Variants in ZNF777 observed in about 807,000 individuals in gnomAD.
ZNF777 encodes zinc finger protein 777.
ZNF777 carries 7 observed loss-of-function variants against 72.1 expected under a neutral mutation model. The observed-to-expected ratio is 0.10, with a 90% confidence interval of 0.06 to 0.18. The LOEUF (loss-of-function observed/expected upper bound fraction) is 0.18, where lower values mean the gene tolerates loss of function less well. ZNF777 is among the 10% of genes least tolerant of loss of function. ZNF777 has a pLI of 1.00. For synonymous variants in ZNF777, 545 were observed against 483.5 expected, an observed-to-expected ratio of 1.13 and a Z score of -1.67; for missense variants, 828 against 1,128.6, an observed-to-expected ratio of 0.73 and a Z score of 3.82.
intron 2 of ZNF777, among the ~76,000 whole-genome samples, chr7:149,454,964 C>T (rs934794165): frequency 6.6e-6 from 1 of 152,218 alleles, no homozygotes; most frequent in African/African-American, 2.4e-5. Context: ...AACACCCTTC[C>T]AAACTGACAA....
intron 3 of ZNF777, among the ~76,000 whole-genome samples, chr7:149,453,702 C>T (rs952429122): frequency 6.6e-6 from 1 of 152,212 alleles, no homozygotes; most frequent in African/African-American, 2.4e-5. Flanking sequence ...GATACTTGTA[C>T]AGCACCTCAA....
intron 4 of ZNF777, among the ~76,000 whole-genome samples, chr7:149,449,202 G>C (rs1799670485): frequency 6.6e-6 from 1 of 152,240 alleles, no homozygotes. Flanking sequence ...CTGAGGGGCA[G>C]CGGTACCTAT....
intron 1 of ZNF777, chr7:149,459,999 G>A (rs1471645610): frequency 1.1e-6 from 1 of 940,882 alleles, no homozygotes; most frequent in East Asian, 1.2e-4. Flanking sequence ...CCCACCCCCC[G>A]CGCCAACGTC....
At chr7:149,453,468 T>C (rs1003750346) in intron 3 of ZNF777, among the ~76,000 whole-genome samples, 6 of 152,072 alleles carry the variant, frequency 3.9e-5, no homozygotes, top group Admixed American at 6.6e-5. Flanking sequence ...CACACACACA[T>C]ATATATATGT....
chr7:149,437,162 G>C (rs962590706), intron 4 of ZNF777, among the ~76,000 whole-genome samples: 6 of 152,072 alleles, frequency 3.9e-5, no homozygotes, highest in Admixed American at 1.3e-4. Context: ...CCAGGCTCGA[G>C]TGCTGTGGTG....
At chr7:149,452,846 A>T (rs1049260490) in intron 3 of ZNF777, among the ~76,000 whole-genome samples, 2 of 152,222 alleles carry the variant, frequency 1.3e-5, no homozygotes, top group Non-Finnish European at 1.5e-5. Flanking sequence ...TTTACTTGGC[A>T]ATCCCACTTC....
chr7:149,437,802 T>TC (rs779386180), intron 4 of ZNF777, among the ~76,000 whole-genome samples: 7 of 81,924 alleles, frequency 8.5e-5, no homozygotes, highest in African/African-American at 4.0e-4. Flanking sequence ...TTTGTTTCTT[T>TC]TTCTTTTTTT....
In ZNF777 at chr7:149,451,553, G is replaced by A. The variant is rs190657244; in HGVS notation, c.974-441C>T. Among the ~76,000 whole-genome samples the A allele has an allele frequency of 8.2e-3, 1,248 of 152,130 alleles. 12 individuals carry two copies. The highest frequency in any genetic ancestry group is 0.024 in the Middle Eastern group (7 of 294). On this transcript the variant is annotated intron_variant, in intron 3 of 5. Transcript: ENST00000247930. ...TAAAAATGCAAAAAATTAGCCAGGCGTGGTGGCGGATGCCTGTAATCCCAG... is the reference window on the plus strand; with the variant it reads ...TAAAAATGCAAAAAATTAGCCAGGCATGGTGGCGGATGCCTGTAATCCCAG...
At chr7:149,434,506 C>T (rs1799379241) in intron 5 of ZNF777, among the ~76,000 whole-genome samples, 1 of 152,190 alleles carries the variant, frequency 6.6e-6, no homozygotes, top group Non-Finnish European at 1.5e-5. Flanking sequence ...CTGAGTATGT[C>T]TGAAAGGCAA....
rs1368014652 is a variant in ZNF777 at position 149,455,046 on chromosome 7, T to C, written c.846+131A>G. 8.8e-7 allele frequency: 1 copy of C among 1,140,872 alleles called. No homozygotes were observed. The highest frequency in any genetic ancestry group is 1.2e-6 in the Non-Finnish European group (1 of 802,902). 70.7% of individuals were successfully genotyped at this position (1,140,872 alleles called of 1,614,324 possible). A position where few individuals can be genotyped will look rare whatever the true frequency, so the allele number is the denominator to read the frequency against. ...CAGGAGAAATAATTTGATTTTGGCA[T>C]GTCCTAGCAACTGGGATCACTGTAT... On this transcript the variant is annotated intron_variant, in intron 2 of 5. Transcript: ENST00000247930. The surrounding 1 kb of genome is among the most constrained non-coding windows in gnomAD (Gnocchi z 4.2).
rs1799404300 is a variant in ZNF777 at position 149,436,020 on chromosome 7, G to T, written c.1339+555C>A. Among the ~76,000 whole-genome samples, 1 of 152,178 alleles carries T rather than the reference G, an allele frequency of 6.6e-6. No individual in the cohort carries two copies. Among genetic ancestry groups the T allele is most frequent in the Non-Finnish European group, 1.5e-5 (1 of 68,030 alleles). ...AAAATCCATCACGAAAGATGTCCTG[G>T]GATCAGGCCACCGTGAGCCCCAGTG... On this transcript the variant is annotated intron_variant, in intron 5 of 5. Coordinates refer to ENST00000247930, the MANE Select transcript of ZNF777 (RefSeq NM_015694.3). This position sits in a 1 kb window ranked among gnomAD's most constrained non-coding sequence, Gnocchi z 5.0.
chr7:149,433,186 C>T (rs1799354160), intron 5 of ZNF777, among the ~76,000 whole-genome samples: 1 of 152,186 alleles, frequency 6.6e-6, no homozygotes, highest in African/African-American at 2.4e-5. Context: ...AAAAAGAGTC[C>T]TCTTTGGATT....
At chr7:149,435,821 A>C (rs1383869970) in intron 5 of ZNF777, among the ~76,000 whole-genome samples, 1 of 152,224 alleles carries the variant, frequency 6.6e-6, no homozygotes, top group Non-Finnish European at 1.5e-5. Context: ...CCAGTATAAT[A>C]CTGTTTCCAA....
intron 4 of ZNF777, among the ~76,000 whole-genome samples, chr7:149,437,965 C>T (rs539249492): frequency 3.0e-4 from 45 of 151,600 alleles, no homozygotes; most frequent in East Asian, 1.2e-3. Context: ...CTGCAAGCTC[C>T]GCCTCCCAAC....
intron 4 of ZNF777, among the ~76,000 whole-genome samples, chr7:149,447,885 A>C (rs1375439041): frequency 6.6e-6 from 1 of 152,080 alleles, no homozygotes; most frequent in Non-Finnish European, 1.5e-5. Flanking sequence ...TTTGGTTGTT[A>C]ATGTCAGTCG....
rs760481076 is a variant in ZNF777 at position 149,432,427 on chromosome 7, G to A, written c.1845C>T (p.His615=). ...GTGACTTGGGACGCGGCTTGAGCGCGTGCTTGGGGTTGAACGTGGGCCCGC... is the reference window on the plus strand; with the variant it reads ...GTGACTTGGGACGCGGCTTGAGCGCATGCTTGGGGTTGAACGTGGGCCCGC... ...PERGPTFNPK[H]ALKPRPKSPS... is the part of the protein sequence containing the mutation. The change falls in exon 6 of 6, where the codon CAC becomes CAT. Residue 615 remains histidine (H), a synonymous_variant. Transcript: ENST00000247930. The A allele has an allele frequency of 5.0e-6, 8 of 1,613,328 alleles. No homozygotes were observed. The highest frequency in any genetic ancestry group is 3.3e-4 in the Middle Eastern group (2 of 6,084).
At chr7:149,448,757 T>G (rs1328826242) in intron 4 of ZNF777, among the ~76,000 whole-genome samples, 1 of 151,874 alleles carries the variant, frequency 6.6e-6, no homozygotes, top group African/African-American at 2.4e-5. Context: ...GCCAACTTGC[T>G]AGGTGAAGAT....
chr7:149,442,153 G>C (rs566166299), intron 4 of ZNF777, among the ~76,000 whole-genome samples: 1 of 149,614 alleles, frequency 6.7e-6, no homozygotes, highest in Non-Finnish European at 1.5e-5. Flanking sequence ...GGAGGCGGAG[G>C]TTGCAGTGAG....
At position 149,432,151 on chromosome 7, in the gene ZNF777, C is replaced by T; in HGVS notation, c.2121G>A (p.Ser707=). ...SLCGKSFSRP[S]HLLRHQRTHT... is the part of the protein sequence containing the mutation. ...GAGTCCGCTGGTGGCGCAGCAGGTG[C>T]GAGGGGCGGCTGAAGCTCTTGCCGC... is the stretch of plus-strand genomic sequence containing the variant. Residue 707 remains serine, a synonymous_variant, in exon 6 of 6, where the codon TCG becomes TCA. Coordinates refer to ENST00000247930, the MANE Select transcript of ZNF777 (RefSeq NM_015694.3). The T allele has an allele frequency of 2.5e-6, 4 of 1,601,012 alleles. No homozygotes were observed. The highest frequency in any genetic ancestry group is 8.5e-7 in the Non-Finnish European group (1 of 1,179,004).
Sources: gnomAD v4.1 joint callset for allele counts (sites outside exome capture counted in the v4.1 genomes callset) on GRCh38, gnomAD v4.1.1 for gene constraint, Gnocchi (gnomAD v3.1) non-coding constraint, MANE v1.5 for transcripts, NCBI Gene and HGNC (gene_info 2026-07-23, HGNC 2026-07-21) for gene names.